The following MAPK14 variants were observed in gnomAD, a reference collection of about 807,000 sequenced individuals.
The protein encoded by MAPK14 is mitogen-activated protein kinase 14, also known as CSAID-binding protein.
A neutral mutation model predicts 49.6 loss-of-function variants in MAPK14; 16 were observed. The ratio of observed to expected loss-of-function variants is 0.32; its 90% CI spans 0.22 to 0.49. MAPK14 has a LOEUF of 0.49. Ranked by LOEUF, MAPK14 falls within the 20% of genes least tolerant of loss-of-function variation. The pLI is 0.99. For missense variants in MAPK14, 200 were observed against 441.2 expected (o/e 0.45, Z 4.90); for synonymous variants, 142 against 158.0 (o/e 0.90, Z 0.76).
intron 1 of MAPK14, among the ~76,000 whole-genome samples, chr6:36,044,259 A>G (rs1466212793): frequency 2.0e-5 from 3 of 152,222 alleles, no homozygotes; most frequent in Non-Finnish European, 4.4e-5. Flanking sequence ...ATCTATGACC[A>G]TTGAAAGAAA....
At chr6:36,031,145 G>T (rs1349863809) in intron 1 of MAPK14, among the ~76,000 whole-genome samples, 1 of 152,168 alleles carries the variant, frequency 6.6e-6, no homozygotes, top group African/African-American at 2.4e-5. Flanking sequence ...CTCCCTAGTA[G>T]CTGGGACTAC....
At chr6:36,091,501 CTGAT>C (rs1341453630) in intron 8 of MAPK14, among the ~76,000 whole-genome samples, 1 of 148,606 alleles carries the variant, frequency 6.7e-6, no homozygotes, top group Non-Finnish European at 1.5e-5. Flanking sequence ...GTGGAAATAA[CTGAT>C]TGTCATGATG....
chr6:36,064,626 C>A (rs851014), intron 3 of MAPK14, among the ~76,000 whole-genome samples: 1 of 152,162 alleles, frequency 6.6e-6, no homozygotes, highest in African/African-American at 2.4e-5. Flanking sequence ...AATGATTGCT[C>A]AACTAATAAG....
intron 1 of MAPK14, among the ~76,000 whole-genome samples, chr6:36,031,496 C>A (rs1213925792): frequency 6.6e-6 from 1 of 152,144 alleles, no homozygotes; most frequent in Non-Finnish European, 1.5e-5. Context: ...ACCTCCACCT[C>A]ATGGGTTCAA....
chr6:36,098,223 G>A (rs967842952), intron 9 of MAPK14, among the ~76,000 whole-genome samples: 9 of 152,218 alleles, frequency 5.9e-5, no homozygotes, highest in African/African-American at 1.9e-4. Context: ...ATTGAATGCC[G>A]AGTAAGAGAA....
intron 8 of MAPK14, among the ~76,000 whole-genome samples, chr6:36,078,881 A>C (rs1383449750): frequency 6.6e-6 from 1 of 152,198 alleles, no homozygotes; most frequent in Admixed American, 6.5e-5. Flanking sequence ...CTATACGGTC[A>C]CTTGTGTTCC....
intron 1 of MAPK14, among the ~76,000 whole-genome samples, chr6:36,043,772 C>T (rs957690334): frequency 1.3e-5 from 2 of 148,568 alleles, no homozygotes; most frequent in African/African-American, 2.5e-5. Context: ...TATTTCTTCT[C>T]ACTTTATAGA....
intron 1 of MAPK14, among the ~76,000 whole-genome samples, chr6:36,049,039 A>G (rs939744667): frequency 4.6e-5 from 7 of 152,200 alleles, no homozygotes; most frequent in Admixed American, 6.5e-5. Context: ...TAGAAAACCA[A>G]TGGAAGTGTT....
At chr6:36,113,865 G>A (rs1766016660), downstream of MAPK14, among the ~76,000 whole-genome samples, 1 of 152,236 alleles carries the variant, frequency 6.6e-6, no homozygotes, top group Non-Finnish European at 1.5e-5. Context: ...GAGAACAGTT[G>A]CTGGAAAGAA....
the MAPK14 span, among the ~76,000 whole-genome samples, chr6:36,119,319 G>C: frequency 1.3e-5 from 2 of 152,204 alleles, no homozygotes; most frequent in Non-Finnish European, 2.9e-5. Context: ...GAATTTGCCC[G>C]TGCAAAAACT....
intron 8 of MAPK14, among the ~76,000 whole-genome samples, chr6:36,083,131 C>T (rs112088468): frequency 2.5e-4 from 38 of 152,266 alleles, no homozygotes; most frequent in African/African-American, 7.5e-4. Flanking sequence ...AATCCTGCAC[C>T]GGCAACTGAG....
chr6:36,085,241 A>G (rs1043984939), intron 8 of MAPK14, among the ~76,000 whole-genome samples: 10 of 152,340 alleles, frequency 6.6e-5, no homozygotes, highest in East Asian at 1.9e-4. Context: ...CAGTAACACT[A>G]TGAAGCAGTT....
chr6:36,083,896 G>A (rs1054980819), intron 8 of MAPK14, among the ~76,000 whole-genome samples: 2 of 152,166 alleles, frequency 1.3e-5, no homozygotes, highest in Non-Finnish European at 2.9e-5. Context: ...TTGACTGGAT[G>A]AGACCCCTCC....
intron 1 of MAPK14, among the ~76,000 whole-genome samples, chr6:36,041,131 A>G (rs1232151976): frequency 6.6e-6 from 1 of 152,122 alleles, no homozygotes; most frequent in Non-Finnish European, 1.5e-5. Flanking sequence ...TTCCTGAATT[A>G]TCATTGCTAC....
chr6:36,099,546 C>T (rs1164349833), intron 9 of MAPK14, among the ~76,000 whole-genome samples: 1 of 152,200 alleles, frequency 6.6e-6, no homozygotes, highest in Non-Finnish European at 1.5e-5. Context: ...TCTCAGCAGC[C>T]TGTGACTTCT....
the MAPK14 span, among the ~76,000 whole-genome samples, chr6:36,117,688 AGTGGG>A: frequency 6.6e-6 from 1 of 152,204 alleles, no homozygotes; most frequent in African/African-American, 2.4e-5. Context: ...AATAATAGAG[AGTGGG>A]GCTGTGAGGA....
intron 1 of MAPK14, among the ~76,000 whole-genome samples, chr6:36,047,704 A>G (rs986973387): frequency 6.6e-6 from 1 of 151,640 alleles, no homozygotes; most frequent in East Asian, 1.9e-4. Flanking sequence ...CAGCCTCCCA[A>G]GTAGCTGGGC....
In MAPK14 at chr6:36,028,335, G is replaced by T; in HGVS notation, c.116+62G>T. 8.4e-7 allele frequency: 1 copy of T among 1,186,738 alleles called. No homozygotes were observed. Among genetic ancestry groups the T allele is most frequent in the African/African-American group, 1.5e-5 (1 of 66,408 alleles). 73.5% of individuals were successfully genotyped at this position (1,186,738 alleles called of 1,614,324 possible). A position where few individuals can be genotyped will look rare whatever the true frequency, so the allele number is the denominator to read the frequency against. ...GTGGCCCCTCGCGCCCGAGGGCCAG[G>T]CCTGCTCCACTGCTCAGCGTTGCGT... On this transcript the variant is annotated intron_variant, in intron 1 of 11. Transcript: ENST00000229794. The surrounding 1 kb of genome is among the most constrained non-coding windows in gnomAD (Gnocchi z 5.1).
In MAPK14 at chr6:36,107,353, C is replaced by A; in HGVS notation, c.842-102C>A. The A allele has an allele frequency of 1.3e-6, 1 of 741,654 alleles. No individual in the cohort carries two copies. Among genetic ancestry groups the A allele is most frequent in the South Asian group, 2.7e-5 (1 of 37,590 alleles). The allele number at this position is 741,654 out of a possible 1,614,324, so 45.9% of individuals were successfully genotyped here. A position where few individuals can be genotyped will look rare whatever the true frequency, so the allele number is the denominator to read the frequency against. On this transcript the variant is annotated intron_variant, in intron 10 of 11. Coordinates refer to ENST00000229794, the MANE Select transcript of MAPK14 (RefSeq NM_139012.3). This position sits in a 1 kb window ranked among gnomAD's most constrained non-coding sequence, Gnocchi z 4.3. ...AGAGTAGGTATTTTGGAGGAGAGTT[C>A]TTTGTTTGGATATGAAGGGTCAAAA...
Sources: gnomAD v4.1 joint callset for allele counts (sites outside exome capture counted in the v4.1 genomes callset) on GRCh38, gnomAD v4.1.1 for gene constraint, Gnocchi (gnomAD v3.1) non-coding constraint, MANE v1.5 for transcripts, NCBI Gene and HGNC (gene_info 2026-07-23, HGNC 2026-07-21) for gene names.